Variants in UTRN observed in about 807,000 individuals in gnomAD.
UTRN encodes utrophin.
A neutral mutation model predicts 463.9 loss-of-function variants in UTRN; 283 were observed. That is an observed-to-expected ratio of 0.61 (90% CI 0.55 to 0.67). The LOEUF (loss-of-function observed/expected upper bound fraction) is 0.67. Ranked by LOEUF, UTRN falls within the 30% of genes least tolerant of loss-of-function variation. The pLI is 0.00. For missense variants in UTRN, 3,922 were observed against 4,084.3 expected (o/e 0.96, Z 1.08); for synonymous variants, 1,442 against 1,431.5 (o/e 1.01, Z -0.17).
chr6:144,540,493 A>C (rs73781914), intron 45 of UTRN, among the ~76,000 whole-genome samples: 3,120 of 152,274 alleles, frequency 0.02, 128 homozygotes, highest in African/African-American at 0.071. Flanking sequence ...TGATTCACAC[A>C]TGTGTATCTC....
chr6:144,724,161 A>G (rs1034918215), intron 53 of UTRN, among the ~76,000 whole-genome samples: 1 of 150,848 alleles, frequency 6.6e-6, no homozygotes, highest in African/African-American at 2.4e-5. Flanking sequence ...AAAGTGTGCA[A>G]TTCAGGGGCT....
chr6:144,565,643 T>A (rs1157700766), intron 50 of UTRN, among the ~76,000 whole-genome samples: 1 of 152,110 alleles, frequency 6.6e-6, no homozygotes, highest in Non-Finnish European at 1.5e-5. Flanking sequence ...GAGAGGAGAA[T>A]GTTTCTAAGA....
intron 50 of UTRN, 113 bp downstream of exon 50, chr6:144,557,424 A>G: frequency 1.0e-6 from 1 of 957,116 alleles, no homozygotes; most frequent in Non-Finnish European, 1.4e-6. Context: ...ACATTTTATT[A>G]TTATGTATTT....
rs138508915 is a variant in UTRN at position 144,837,701 on chromosome 6, A to T, written c.10065+1160A>T. Among the ~76,000 whole-genome samples the T allele has an allele frequency of 9.0e-3, 1,370 of 152,344 alleles. 10 individuals are homozygous for T. Among genetic ancestry groups the T allele is most frequent in the Middle Eastern group, 0.027 (8 of 294 alleles). ...AAACTGCCTTTTCACAGTTGCTCTC[A>T]GTCTTTTTAACTTACCAGAATAATT... On this transcript the variant is annotated intron_variant, in intron 71 of 74. Transcript: ENST00000367545.
intron 52 of UTRN, among the ~76,000 whole-genome samples, chr6:144,699,861 A>G (rs1157891178): frequency 1.3e-5 from 2 of 148,556 alleles, no homozygotes; most frequent in African/African-American, 4.9e-5. Context: ...AAATATATAT[A>G]CTTATGTAAT....
intron 71 of UTRN, 164 bp downstream of exon 71, chr6:144,836,705 A>G: frequency 1.9e-6 from 2 of 1,069,040 alleles, no homozygotes; most frequent in South Asian, 1.7e-5. Flanking sequence ...ATGTAAGCAT[A>G]TAAATCCTCA....
At chr6:144,622,191 T>TA (rs1182578746) in intron 51 of UTRN, among the ~76,000 whole-genome samples, 4 of 136,238 alleles carry the variant, frequency 2.9e-5, no homozygotes, top group Non-Finnish European at 6.3e-5. Context: ...GTTGTTTTTT[T>TA]TTTTTTTTTT....
intron 26 of UTRN, among the ~76,000 whole-genome samples, chr6:144,480,659 G>C (rs1267691128): frequency 1.3e-5 from 2 of 152,122 alleles, no homozygotes; most frequent in Non-Finnish European, 2.9e-5. Context: ...TATAATAAAA[G>C]AACTGGGCAT....
Position 144,577,268 on chromosome 6 carries a change from G to T in UTRN, c.7459G>T (p.Glu2487Ter). 1 of 1,613,766 alleles carries T rather than the reference G, an allele frequency of 6.2e-7. No individual in the cohort carries two copies. The highest frequency in any genetic ancestry group is 8.5e-7 in the Non-Finnish European group (1 of 1,179,840). The change falls in exon 51 of 75, where the codon GAA (glutamate) becomes TAA (stop). Residue 2487 changes from glutamate to a stop codon, truncating the protein, a stop_gained. Coordinates refer to ENST00000367545, the MANE Select transcript of UTRN (RefSeq NM_007124.3). LOFTEE classifies it high-confidence loss of function. ...TCTTCAGGATAGTATCTTGGCCAGGGAACTCAAACAGCAGATGCAGGTAAG... is the reference window on the plus strand; with the variant it reads ...TCTTCAGGATAGTATCTTGGCCAGGTAACTCAAACAGCAGATGCAGGTAAG... The part of the protein sequence containing the change: ...NALQDSILAR[E>*]LKQQMQDIQA...
At chr6:144,696,494 C>G (rs1042707696) in intron 52 of UTRN, among the ~76,000 whole-genome samples, 1 of 152,186 alleles carries the variant, frequency 6.6e-6, no homozygotes, top group Admixed American at 6.5e-5. Context: ...GTGTTCTTTT[C>G]AGCACCGTCA....
At chr6:144,391,217 A>C (rs1781890483) in intron 2 of UTRN, among the ~76,000 whole-genome samples, 1 of 152,066 alleles carries the variant, frequency 6.6e-6, no homozygotes, top group Non-Finnish European at 1.5e-5. Flanking sequence ...TACTACAGGC[A>C]TGTACCACCA....
At chr6:144,444,445 G>C in intron 14 of UTRN, 63 bp downstream of exon 14, 1 of 1,286,064 alleles carries the variant, frequency 7.8e-7, no homozygotes, top group Non-Finnish European at 1.1e-6. Context: ...CTTTTATTGT[G>C]ACTTTAGAAT....
chr6:144,751,749 G>A (rs1791424415), intron 55 of UTRN, 57 bp from the exon 56 acceptor site: 3 of 1,497,306 alleles, frequency 2.0e-6, no homozygotes, highest in Admixed American at 2.1e-5. Flanking sequence ...AGGATCAACT[G>A]TATTAGCTTT....
At chr6:144,719,656 A>G (rs954607117) in intron 53 of UTRN, among the ~76,000 whole-genome samples, 2 of 152,204 alleles carry the variant, frequency 1.3e-5, no homozygotes, top group African/African-American at 4.8e-5. Context: ...ATAGCTTGGC[A>G]TGTTCTCGGA....
chr6:144,557,675 C>G (rs1799513234), intron 50 of UTRN, among the ~76,000 whole-genome samples: 1 of 151,874 alleles, frequency 6.6e-6, no homozygotes, highest in African/African-American at 2.4e-5. Flanking sequence ...AATGGTATCC[C>G]TAAAGGTAAT....
Position 144,523,040 on chromosome 6 carries a change from C to T in UTRN, c.5758C>T (p.Leu1920Phe). The T allele has an allele frequency of 1.2e-6, 2 of 1,609,012 alleles. No individual in the cohort carries two copies. Among genetic ancestry groups the T allele is most frequent in the Non-Finnish European group, 1.7e-6 (2 of 1,178,286 alleles). ...LKNIKDQLDKLGEQIAVIHEK... is the reference protein window; with the variant it reads ...LKNIKDQLDKFGEQIAVIHEK... ...GAATATCAAAGACCAACTGGACAAA[C>T]TTGGAGAGCAGATTGCAGTCATTCA... Residue 1920 changes from leucine (L) to phenylalanine (F), a missense_variant, in exon 41 of 75, where the codon CTT (leucine) becomes TTT (phenylalanine). By Grantham distance (22) the Leu-to-Phe change is conservative. Coordinates refer to ENST00000367545, the MANE Select transcript of UTRN (RefSeq NM_007124.3).
chr6:144,453,614 T>C (rs989478720), intron 18 of UTRN, among the ~76,000 whole-genome samples, 168 bp from the exon 19 acceptor site: 4 of 152,252 alleles, frequency 2.6e-5, no homozygotes, highest in Non-Finnish European at 4.4e-5. Flanking sequence ...GTACATTTTT[T>C]TTCTTACAAA....
intron 51 of UTRN, among the ~76,000 whole-genome samples, chr6:144,630,145 G>A (rs938670924): frequency 1.1e-4 from 16 of 152,054 alleles, no homozygotes; most frequent in African/African-American, 3.6e-4. Flanking sequence ...CCGAGATCTC[G>A]CCACTGCACT....
At chr6:144,459,907 G>A (rs550418597) in intron 21 of UTRN, among the ~76,000 whole-genome samples, 1 of 152,078 alleles carries the variant, frequency 6.6e-6, no homozygotes, top group Admixed American at 6.6e-5. Flanking sequence ...AAAATAACAG[G>A]TGTTAGGCAA....
Sources: gnomAD v4.1 joint callset for allele counts (sites outside exome capture counted in the v4.1 genomes callset) on GRCh38, gnomAD v4.1.1 for gene constraint, MANE v1.5 for transcripts, NCBI Gene and HGNC (gene_info 2026-07-23, HGNC 2026-07-21) for gene names.